The following TMEM132D variants were observed in gnomAD, a reference collection of about 807,000 sequenced individuals.
TMEM132D encodes transmembrane protein 132D.
In TMEM132D, 21 loss-of-function variants were observed where a neutral mutation model predicts 62.3. The observed-to-expected ratio is 0.34, with a 90% CI of 0.24 to 0.49. The LOEUF (loss-of-function observed/expected upper bound fraction) is 0.49. Among genes scored for constraint, TMEM132D ranks in the 20% least tolerant of loss-of-function variants. The pLI is 0.99. For missense variants in TMEM132D, 1,346 were observed against 1,402.8 expected (o/e 0.96, Z 0.65); for synonymous variants, 621 against 575.6 (o/e 1.08, Z -1.13).
At chr12:129,311,076 T>C (rs953709752) in intron 4 of TMEM132D, among the ~76,000 whole-genome samples, 3 of 117,362 alleles carry the variant, frequency 2.6e-5, no homozygotes, top group African/African-American at 1.1e-4. Context: ...CGGGCGCCTG[T>C]AGTCCCAGCT....
intron 4 of TMEM132D, among the ~76,000 whole-genome samples, chr12:129,274,635 C>T (rs1233585499): frequency 3.3e-5 from 5 of 152,114 alleles, no homozygotes; most frequent in African/African-American, 9.7e-5. Context: ...GCCTGTAATC[C>T]CAGCACTTTG....
intron 2 of TMEM132D, among the ~76,000 whole-genome samples, chr12:129,584,617 G>A (rs985814874): frequency 7.9e-5 from 12 of 152,206 alleles, no homozygotes; most frequent in Admixed American, 1.3e-4. Context: ...CCATCCCAAC[G>A]GAGAGCACTT....
At chr12:129,434,054 G>T (rs1872728618) in intron 3 of TMEM132D, among the ~76,000 whole-genome samples, 1 of 152,192 alleles carries the variant, frequency 6.6e-6, no homozygotes, top group African/African-American at 2.4e-5. Context: ...AAACAGGCTG[G>T]AACGTCATTC....
At chr12:129,344,496 T>C (rs1470091303) in intron 3 of TMEM132D, among the ~76,000 whole-genome samples, 1 of 152,152 alleles carries the variant, frequency 6.6e-6, no homozygotes. Context: ...CAGTCTCTCC[T>C]AAGACAGAAT....
chr12:129,111,586 G>C (rs1047515146), intron 5 of TMEM132D: 2 of 152,132 alleles, frequency 1.3e-5, no homozygotes. Flanking sequence ...ACTCCATAAA[G>C]AACAGGTAGA....
chr12:129,869,201 T>C (rs1043620549), intron 1 of TMEM132D, among the ~76,000 whole-genome samples: 3 of 152,148 alleles, frequency 2.0e-5, no homozygotes, highest in African/African-American at 7.2e-5. Context: ...TCTTTGAATT[T>C]CTCAGCTTTG....
chr12:129,499,198 C>T (rs946734981), intron 3 of TMEM132D, among the ~76,000 whole-genome samples: 2 of 152,124 alleles, frequency 1.3e-5, no homozygotes, highest in Non-Finnish European at 2.9e-5. Flanking sequence ...CAAAATATTG[C>T]ACTTAATTTA....
chr12:129,897,016 C>T (rs746100781), intron 1 of TMEM132D, among the ~76,000 whole-genome samples: 14 of 152,172 alleles, frequency 9.2e-5, no homozygotes, highest in African/African-American at 1.9e-4. Flanking sequence ...GGGGGTGCAC[C>T]TTGGGTGACT....
At chr12:129,899,496 G>A (rs1593204097) in intron 1 of TMEM132D, among the ~76,000 whole-genome samples, 1 of 152,040 alleles carries the variant, frequency 6.6e-6, no homozygotes, top group East Asian at 1.9e-4. Context: ...GATGATGGAT[G>A]GATGGACGGA....
At chr12:129,160,782 A>G (rs548643373) in intron 5 of TMEM132D, among the ~76,000 whole-genome samples, 2 of 152,332 alleles carry the variant, frequency 1.3e-5, no homozygotes, top group South Asian at 4.1e-4. Flanking sequence ...AAAAAGAAAC[A>G]GGGCTTGGGG....
intron 3 of TMEM132D, among the ~76,000 whole-genome samples, chr12:129,411,609 C>T (rs1871969318): frequency 6.6e-6 from 1 of 152,172 alleles, no homozygotes; most frequent in Non-Finnish European, 1.5e-5. Flanking sequence ...CCCACCTCCG[C>T]CTCCCAAAGT....
chr12:129,320,877 T>A (rs1390124503), intron 4 of TMEM132D, among the ~76,000 whole-genome samples: 1 of 152,138 alleles, frequency 6.6e-6, no homozygotes, highest in Non-Finnish European at 1.5e-5. Context: ...GGGTTGGATA[T>A]AAGGACATGC....
At chr12:129,304,226 T>C (rs1013852267) in intron 4 of TMEM132D, among the ~76,000 whole-genome samples, 4 of 152,214 alleles carry the variant, frequency 2.6e-5, no homozygotes, top group Non-Finnish European at 5.9e-5. Flanking sequence ...GTCAGCTCCT[T>C]GCCTGACAAC....
intron 4 of TMEM132D, among the ~76,000 whole-genome samples, chr12:129,270,739 T>C (rs1672697291): frequency 1.3e-5 from 2 of 152,170 alleles, no homozygotes; most frequent in South Asian, 4.1e-4. Context: ...CTTTTTTGTT[T>C]CTCTGTGCAA....
chr12:129,142,727 T>A (rs993095011), intron 5 of TMEM132D, among the ~76,000 whole-genome samples: 1 of 152,150 alleles, frequency 6.6e-6, no homozygotes, highest in African/African-American at 2.4e-5. Context: ...GGACTGCTTT[T>A]CAAAACCAAT....
intron 1 of TMEM132D, among the ~76,000 whole-genome samples, chr12:129,731,623 C>G (rs886449492): frequency 6.6e-6 from 1 of 151,348 alleles, no homozygotes; most frequent in Non-Finnish European, 1.5e-5. Context: ...TGCAGTGGGC[C>G]GATATAAGGA....
intron 5 of TMEM132D, among the ~76,000 whole-genome samples, chr12:129,136,880 A>G (rs1876586824): frequency 6.6e-6 from 1 of 150,458 alleles, no homozygotes; most frequent in African/African-American, 2.5e-5. Flanking sequence ...CATCATTACT[A>G]TCATCATCAC....
At position 129,540,823 on chromosome 12, in the gene TMEM132D, T is replaced by C. The variant is rs569184271; in HGVS notation, c.969-9618A>G. Among the ~76,000 whole-genome samples, 3 of 152,258 alleles carry C rather than the reference T, an allele frequency of 2.0e-5. No homozygotes were observed. The South Asian group carries it at 6.2e-4, about 32-fold the overall frequency. On this transcript the variant is annotated intron_variant, in intron 2 of 8. Coordinates refer to ENST00000422113, the MANE Select transcript of TMEM132D (RefSeq NM_133448.3). ...AAATACTTTAATTTCTTTGCAAAGATGGGGTCTCATTATGCTGCCCAGGCT... is the reference window on the plus strand; with the variant it reads ...AAATACTTTAATTTCTTTGCAAAGACGGGGTCTCATTATGCTGCCCAGGCT...
intron 5 of TMEM132D, among the ~76,000 whole-genome samples, chr12:129,205,497 G>C (rs1443880226): frequency 1.3e-5 from 2 of 151,916 alleles, no homozygotes; most frequent in Non-Finnish European, 2.9e-5. Flanking sequence ...CCAATTCAGG[G>C]GCATCCAAAT....
Sources: gnomAD v4.1 joint callset for allele counts (sites outside exome capture counted in the v4.1 genomes callset) on GRCh38, gnomAD v4.1.1 for gene constraint, MANE v1.5 for transcripts, NCBI Gene and HGNC (gene_info 2026-07-23, HGNC 2026-07-21) for gene names.